Variants in AP4E1 observed in about 807,000 individuals in gnomAD.
AP4E1 encodes the protein AP-4 complex subunit epsilon-1.
Under a neutral mutation model 128.2 loss-of-function variants are expected in AP4E1, and 56 were observed. That is an observed-to-expected ratio of 0.44 (90% CI 0.35 to 0.55). The LOEUF is 0.55. AP4E1 is among the 20% of genes least tolerant of loss of function. The pLI is 0.00. For missense variants in AP4E1, 1,324 were observed against 1,307.7 expected (o/e 1.01, Z -0.19); for synonymous variants, 484 against 473.1 (o/e 1.02, Z -0.30).
intron 14 of AP4E1, among the ~76,000 whole-genome samples, chr15:50,965,634 G>A (rs1042931125): frequency 2.0e-5 from 3 of 152,162 alleles, no homozygotes; most frequent in Non-Finnish European, 1.5e-5. Context: ...TATACTCTCC[G>A]TGGCCATACC....
intron 17 of AP4E1, among the ~76,000 whole-genome samples, chr15:50,996,302 A>G (rs1241403006): frequency 6.6e-6 from 1 of 151,744 alleles, no homozygotes; most frequent in African/African-American, 2.4e-5. Context: ...CTGACCTCTA[A>G]TACACATCTA....
intron 10 of AP4E1, chr15:50,945,606 A>C (rs1325428490): frequency 1.3e-6 from 1 of 752,912 alleles, no homozygotes; most frequent in Non-Finnish European, 2.4e-6. Context: ...ACAAAAGTTG[A>C]AGCAGGGAGG....
chr15:50,986,350 T>G (rs1188787252), intron 16 of AP4E1, among the ~76,000 whole-genome samples: 1 of 152,184 alleles, frequency 6.6e-6, no homozygotes, highest in East Asian at 1.9e-4. Context: ...CTGTGTTGAA[T>G]AGGAGTGGTG....
chr15:50,990,114 T>C (rs542857338), intron 16 of AP4E1, among the ~76,000 whole-genome samples: 4 of 152,198 alleles, frequency 2.6e-5, no homozygotes, highest in Admixed American at 1.3e-4. Flanking sequence ...GGTTAGTTAC[T>C]TGGTCAGAAT....
intron 10 of AP4E1, among the ~76,000 whole-genome samples, chr15:50,942,019 T>G (rs1388513841): frequency 6.6e-6 from 1 of 152,082 alleles, no homozygotes; most frequent in East Asian, 1.9e-4. Context: ...TGGGTTCAAG[T>G]GATTCTCGTG....
intron 15 of AP4E1, among the ~76,000 whole-genome samples, chr15:50,970,026 A>G (rs1307158618): frequency 1.3e-5 from 2 of 152,170 alleles, no homozygotes; most frequent in African/African-American, 2.4e-5. Flanking sequence ...TAGTAATTCT[A>G]TAGTGGTCTA....
At chr15:50,937,913 T>G (rs971352631) in intron 8 of AP4E1, among the ~76,000 whole-genome samples, 1 of 151,988 alleles carries the variant, frequency 6.6e-6, no homozygotes, top group Non-Finnish European at 1.5e-5. Flanking sequence ...GTATGGAAGG[T>G]TTTTGGATAA....
intron 10 of AP4E1, among the ~76,000 whole-genome samples, chr15:50,947,483 C>G (rs1439135479): frequency 6.6e-6 from 1 of 151,688 alleles, no homozygotes; most frequent in Non-Finnish European, 1.5e-5. Context: ...TGAACCTAGG[C>G]TTTGAAGCAT....
At position 50,924,489 on chromosome 15, in the gene AP4E1, A is replaced by G. The variant is rs188992733; in HGVS notation, c.420+485A>G. ...CACAATATTTTCTGTTAAACTCCCA[A>G]ATCAAAATGATAATGAGATGTAATT... On this transcript the variant is annotated intron_variant, in intron 4 of 20. Coordinates refer to ENST00000261842, the MANE Select transcript of AP4E1 (RefSeq NM_007347.5). Among the ~76,000 whole-genome samples, 377 of 152,268 alleles carry G rather than the reference A, an allele frequency of 2.5e-3. 1 individual carries two copies. The highest frequency in any genetic ancestry group is 8.8e-3 in the African/African-American group (367 of 41,586).
intron 8 of AP4E1, 150 bp from the exon 9 acceptor site, chr15:50,941,292 A>C: frequency 2.5e-6 from 2 of 808,602 alleles, no homozygotes; most frequent in Non-Finnish European, 3.9e-6. Flanking sequence ...TAAGCCTGAA[A>C]GTAGTAGCGT....
At chr15:50,989,705 G>A (rs2064778219) in intron 16 of AP4E1, among the ~76,000 whole-genome samples, 1 of 152,146 alleles carries the variant, frequency 6.6e-6, no homozygotes, top group Admixed American at 6.6e-5. Context: ...CACAACAGGT[G>A]ACAGCATCTA....
chr15:50,949,857 A>G lies in AP4E1; in HGVS notation c.1348A>G (p.Thr450Ala), dbSNP rs1446405747. The stretch of plus-strand genomic sequence containing the variant: ...TCCTGATAATGCATGGTTTATTCAG[A>G]CAATGAATGCTGTGTTTTCAGTAGG... The part of the protein sequence containing the change: ...YAPDNAWFIQ[T>A]MNAVFSVGGD... The change falls in exon 12 of 21, where the codon ACA becomes GCA. Residue 450 changes from threonine (T) to alanine (A), a missense_variant. Coordinates refer to ENST00000261842, the MANE Select transcript of AP4E1 (RefSeq NM_007347.5). 3.7e-6 allele frequency: 6 copies of G among 1,613,802 alleles called. No homozygotes were observed. Among genetic ancestry groups the G allele is most frequent in the Non-Finnish European group, 5.1e-6 (6 of 1,179,806 alleles).
At chr15:50,984,937 G>A (rs1327102161) in intron 16 of AP4E1, among the ~76,000 whole-genome samples, 2 of 152,054 alleles carry the variant, frequency 1.3e-5, no homozygotes, top group South Asian at 2.1e-4. Context: ...GTGTAAAAGT[G>A]TTCCTATTTC....
chr15:50,997,860 AT>A lies in AP4E1; in HGVS notation c.2886del (p.Pro963LeufsTer7), dbSNP rs1230372548. Reference protein sequence around the residue: ...GLELKSADLEIFPAENFKVTE... With the variant: ...GLELKSADLEXFPAENFKVTE... ...GGAATTGAAAAGTGCTGACTTAGAAATTTTTCCTGCAGAAAATTTCAAGGTA... is the reference window on the plus strand; with the variant it reads ...GGAATTGAAAAGTGCTGACTTAGAAATTTTCCTGCAGAAAATTTCAAGGTA... On this transcript the variant is annotated frameshift_variant, in exon 18 of 21. Coordinates refer to ENST00000261842, the MANE Select transcript of AP4E1 (RefSeq NM_007347.5). LOFTEE classifies it high-confidence loss of function. 1.3e-6 allele frequency: 2 copies of A among 1,598,302 alleles called. No individual in the cohort carries two copies. The highest frequency in any genetic ancestry group is 2.2e-5 in the East Asian group (1 of 44,470).
chr15:50,929,005 T>C lies in AP4E1; in HGVS notation c.543-4T>C. ...CTTGTTTAAATTTCATTTTTTGTCT[T>C]CAGGGAGATTGTACGAAGAAAAGCT... is the stretch of plus-strand genomic sequence containing the variant. On this transcript the variant is annotated splice_polypyrimidine_tract_variant and splice_region_variant and intron_variant, in intron 5 of 20. Transcript: ENST00000261842. The C allele has an allele frequency of 6.2e-7, 1 of 1,613,726 alleles. No homozygotes were observed. The highest frequency in any genetic ancestry group is 8.5e-7 in the Non-Finnish European group (1 of 1,179,780).
rs1231164795 is a variant in AP4E1 at position 51,003,946 on chromosome 15, A to G, written c.*1284A>G. 1 of 152,468 alleles carries G rather than the reference A, an allele frequency of 6.6e-6. No homozygotes were observed. Among genetic ancestry groups the G allele is most frequent in the Non-Finnish European group, 1.5e-5 (1 of 68,048 alleles). The allele number at this position is 152,468 out of a possible 1,614,324, so 9.4% of individuals were successfully genotyped here. A position where few individuals can be genotyped will look rare whatever the true frequency, so the allele number is the denominator to read the frequency against. ...GATAAAGAAGCTAAGGGGATTCTCC[A>G]GATCTAATAGATTTCATTAGTCATT... On this transcript the variant is annotated 3_prime_UTR_variant, in exon 21 of 21. Transcript: ENST00000261842.
At chr15:50,945,099 G>A in intron 10 of AP4E1, 1 of 787,368 alleles carries the variant, frequency 1.3e-6, no homozygotes, top group African/African-American at 1.7e-5. Context: ...TGGAGATGAG[G>A]AAGAACCATT....
intron 15 of AP4E1, among the ~76,000 whole-genome samples, chr15:50,978,854 G>A (rs1271258974): frequency 3.9e-5 from 6 of 152,106 alleles, no homozygotes; most frequent in Non-Finnish European, 5.9e-5. Flanking sequence ...CCTTTTAGGC[G>A]TTCATCACTA....
At chr15:50,966,688 C>T (rs1480359467) in intron 14 of AP4E1, among the ~76,000 whole-genome samples, 1 of 152,066 alleles carries the variant, frequency 6.6e-6, no homozygotes, top group Non-Finnish European at 1.5e-5. Context: ...CAGGCACCCA[C>T]CACCATGCCT....
Sources: allele counts gnomAD v4.1 joint callset (sites outside exome capture counted in the v4.1 genomes callset), GRCh38; gene constraint gnomAD v4.1.1; transcripts MANE v1.5; gene names NCBI Gene and HGNC (gene_info 2026-07-23, HGNC 2026-07-21).